KLRG1: variants seen among roughly 807,000 people sequenced by gnomAD.
KLRG1 encodes killer cell lectin like receptor G1.
KLRG1 carries 16 observed loss-of-function variants against 21.8 expected under a neutral mutation model. That is an observed-to-expected ratio of 0.73 (90% confidence interval 0.50 to 1.11). KLRG1 has a LOEUF of 1.11. KLRG1 is among the 50% of genes most tolerant of loss of function. The pLI is 0.00. For synonymous variants in KLRG1, 69 were observed against 75.9 expected, an observed-to-expected ratio of 0.91 and a Z score of 0.47; for missense variants, 173 against 218.3, an observed-to-expected ratio of 0.79 and a Z score of 1.31.
chr12:9,131,714 C>A, the KLRG1 span, among the ~76,000 whole-genome samples: 2 of 151,592 alleles, frequency 1.3e-5, no homozygotes, highest in African/African-American at 4.8e-5. Flanking sequence ...ACTATATATA[C>A]GTTTATATAT....
the KLRG1 span, among the ~76,000 whole-genome samples, chr12:9,040,132 G>T: frequency 0.23 from 35,371 of 152,134 alleles, 4,826 homozygotes; most frequent in East Asian, 0.32. Context: ...TAGGAGAGAA[G>T]TAGGATAGTG....
chr12:9,068,694 G>T, the KLRG1 span: 1 of 1,429,606 alleles, frequency 7.0e-7, no homozygotes, highest in Non-Finnish European at 9.7e-7. Flanking sequence ...CTGAATTTCT[G>T]TGATCAGGAA....
the KLRG1 span, chr12:9,203,936 C>G: frequency 6.2e-7 from 1 of 1,613,384 alleles, no homozygotes. Flanking sequence ...GGGAGGGGAC[C>G]AGCACCATAT....
the KLRG1 span, chr12:9,201,369 G>T: frequency 5.2e-6 from 8 of 1,547,594 alleles, no homozygotes; most frequent in African/African-American, 2.8e-5. Context: ...AAGGAAAGAA[G>T]AGATGTGATT....
chr12:9,028,720 G>A, the KLRG1 span: 393 of 504,226 alleles, frequency 7.8e-4, 2 homozygotes, highest in Middle Eastern at 5.8e-4. Flanking sequence ...GGGATTACAG[G>A]CCTGAGCCAC....
chr12:9,069,607 A>G, the KLRG1 span: 1 of 569,746 alleles, frequency 1.8e-6, no homozygotes, highest in Non-Finnish European at 3.0e-6. Flanking sequence ...AGAGAAGAAC[A>G]TTCTTTTAGA....
At chr12:9,192,207 A>G in the KLRG1 span, 3 of 1,613,956 alleles carry the variant, frequency 1.9e-6, no homozygotes, top group Non-Finnish European at 2.5e-6. Context: ...TCCTGACTCC[A>G]CAGGCAGAGT....
the KLRG1 span, chr12:9,098,432 A>T: frequency 2.3e-5 from 4 of 171,094 alleles, no homozygotes; most frequent in Non-Finnish European, 4.2e-5. Context: ...GTGAGTAGTT[A>T]TATATATATA....
At chr12:9,001,010 C>T (rs777101481) in intron 3 of KLRG1, among the ~76,000 whole-genome samples, 9 of 152,202 alleles carry the variant, frequency 5.9e-5, no homozygotes, top group Non-Finnish European at 8.8e-5. Flanking sequence ...AATTTCTTAA[C>T]GTTATTTGCA....
At chr12:8,960,787 G>A (rs186255268) in intron 1 of KLRG1, among the ~76,000 whole-genome samples, 13 of 152,270 alleles carry the variant, frequency 8.5e-5, no homozygotes, top group Admixed American at 5.2e-4. Context: ...ATCCTTTTGG[G>A]ACAAAATATA....
the KLRG1 span, among the ~76,000 whole-genome samples, chr12:9,059,546 A>C: frequency 1.7e-4 from 26 of 152,352 alleles, no homozygotes; most frequent in African/African-American, 6.0e-4. Context: ...GGATACATCC[A>C]AGATTAGACA....
the KLRG1 span, chr12:9,160,079 C>T: frequency 6.6e-7 from 1 of 1,526,164 alleles, no homozygotes; most frequent in African/African-American, 1.4e-5. Context: ...GGCAGGCCAT[C>T]CATATGTTTA....
At chr12:9,031,781 G>A in the KLRG1 span, among the ~76,000 whole-genome samples, 1 of 152,186 alleles carries the variant, frequency 6.6e-6, no homozygotes, top group Admixed American at 6.5e-5. Flanking sequence ...ACAACTCAAA[G>A]CAAGGGCTTC....
the KLRG1 span, among the ~76,000 whole-genome samples, chr12:9,062,774 A>G: frequency 6.7e-6 from 1 of 148,600 alleles, no homozygotes; most frequent in Admixed American, 6.8e-5. Flanking sequence ...TATATGATAT[A>G]TATTTATAGC....
At chr12:9,015,131 A>T (rs1947682229), downstream of KLRG1, among the ~76,000 whole-genome samples, 1 of 152,190 alleles carries the variant, frequency 6.6e-6, no homozygotes, top group Non-Finnish European at 1.5e-5. Context: ...GCAAGAAGAC[A>T]TATAACAAAA....
chr12:8,997,641 T>C (rs897406083), intron 3 of KLRG1, among the ~76,000 whole-genome samples: 3 of 152,228 alleles, frequency 2.0e-5, no homozygotes, highest in South Asian at 2.1e-4. Context: ...ATCCCTCTTA[T>C]GCTGTTAAAC....
the KLRG1 span, chr12:9,058,256 A>G: frequency 6.6e-6 from 1 of 152,114 alleles, no homozygotes; most frequent in Non-Finnish European, 1.5e-5. Context: ...CTATCTAGCT[A>G]TCTCTCTATG....
chr12:9,197,579 G>A, the KLRG1 span, among the ~76,000 whole-genome samples: 4 of 94,660 alleles, frequency 4.2e-5, no homozygotes, highest in African/African-American at 1.7e-4. Context: ...TATAATATAT[G>A]ACATAATATA....
At chr12:9,203,574 C>G in the KLRG1 span, among the ~76,000 whole-genome samples, 163 of 152,224 alleles carry the variant, frequency 1.1e-3, 1 homozygote, top group Admixed American at 2.4e-3. Flanking sequence ...ATCTCCTGAC[C>G]TCGTGATCTG....
Sources: gnomAD v4.1 joint callset for allele counts (sites outside exome capture counted in the v4.1 genomes callset) on GRCh38, gnomAD v4.1.1 for gene constraint, MANE v1.5 for transcripts, NCBI Gene and HGNC (gene_info 2026-07-23, HGNC 2026-07-21) for gene names.